Variants in AKAP13 observed in about 807,000 individuals in gnomAD.
AKAP13 encodes the protein A-kinase anchoring protein 13, also known as A-kinase anchor protein 13.
AKAP13 carries 80 observed loss-of-function variants against 264.5 expected under a neutral mutation model. That is an observed-to-expected ratio of 0.30 (90% CI 0.25 to 0.36). The LOEUF is 0.36. Among genes scored for constraint, AKAP13 ranks in the 10% least tolerant of loss-of-function variants. AKAP13 has a pLI of 1.00. For synonymous variants in AKAP13, 1,380 were observed against 1,250.2 expected (o/e 1.10, Z -2.19); for missense variants, 3,712 against 3,435.2 (o/e 1.08, Z -2.01).
chr15:85,437,537 A>G (rs2073369739), intron 1 of AKAP13, among the ~76,000 whole-genome samples: 1 of 151,696 alleles, frequency 6.6e-6, no homozygotes, highest in Admixed American at 6.6e-5. Context: ...TTTTAGACCA[A>G]TATCCTTGAT....
intron 3 of AKAP13, among the ~76,000 whole-genome samples, chr15:85,530,214 T>A (rs1265141359): frequency 2.0e-5 from 3 of 152,196 alleles, no homozygotes; most frequent in East Asian, 1.9e-4. Flanking sequence ...TCTCTCCCTG[T>A]CGTTCGCCCT....
intron 4 of AKAP13, 173 bp downstream of exon 4, chr15:85,534,053 T>G: frequency 1.5e-6 from 1 of 656,122 alleles, no homozygotes; most frequent in East Asian, 2.9e-5. Flanking sequence ...GGTTCTTCAA[T>G]TGAGCTGTTA....
chr15:85,665,853 A>G (rs1440157631), intron 13 of AKAP13, among the ~76,000 whole-genome samples: 2 of 152,238 alleles, frequency 1.3e-5, no homozygotes, highest in African/African-American at 4.8e-5. Flanking sequence ...TGCAAAGGAC[A>G]TGAACTCATC....
intron 8 of AKAP13, among the ~76,000 whole-genome samples, chr15:85,604,713 C>G (rs928415210): frequency 6.6e-6 from 1 of 152,132 alleles, no homozygotes; most frequent in African/African-American, 2.4e-5. Flanking sequence ...ATCCACCCAC[C>G]TCGGCCTCCC....
chr15:85,585,630 C>T, intron 7 of AKAP13, 72 bp from the exon 8 acceptor site: 1 of 1,587,696 alleles, frequency 6.3e-7, no homozygotes, highest in East Asian at 2.2e-5. Flanking sequence ...AAACCTGGAG[C>T]ATGTTGTATG....
At chr15:85,523,582 T>C (rs1000728346) in intron 3 of AKAP13, among the ~76,000 whole-genome samples, 1 of 152,214 alleles carries the variant, frequency 6.6e-6, no homozygotes, top group African/African-American at 2.4e-5. Flanking sequence ...ATTTTACTTA[T>C]TTATCTTATT....
rs896642521 is a variant in AKAP13, at chr15:85,499,152, T to A, written c.33+13399T>A. Among the ~76,000 whole-genome samples the A allele has an allele frequency of 5.9e-5, 9 of 152,316 alleles. 1 individual carries two copies. The South Asian group carries it at 1.7e-3, about 28-fold the overall frequency. ...TGGCTTTTCTTTTTTAAAGGCTAGC[T>A]TCCTGAGTAAATTATCACTGCGTTA... On this transcript the variant is annotated intron_variant, in intron 2 of 36. Transcript: ENST00000394518.
At chr15:85,637,693 A>G (rs543942902) in intron 8 of AKAP13, among the ~76,000 whole-genome samples, 2 of 152,006 alleles carry the variant, frequency 1.3e-5, no homozygotes, top group Non-Finnish European at 2.9e-5. Context: ...TTCTAGTTTC[A>G]TAAGGTAGAA....
chr15:85,721,897 T>A (rs1438872168), intron 23 of AKAP13, 94 bp from the exon 24 acceptor site: 2 of 1,556,084 alleles, frequency 1.3e-6, no homozygotes, highest in East Asian at 4.5e-5. Context: ...GAGGAAGCGC[T>A]CTTGACTTTT....
chr15:85,477,552 A>G (rs1250079697), intron 1 of AKAP13, among the ~76,000 whole-genome samples: 4 of 150,332 alleles, frequency 2.7e-5, no homozygotes. Flanking sequence ...CTACACAATT[A>G]CAAACTTTTT....
intron 1 of AKAP13, among the ~76,000 whole-genome samples, chr15:85,420,520 C>T (rs576177160): frequency 1.3e-5 from 2 of 151,980 alleles, no homozygotes; most frequent in Non-Finnish European, 2.9e-5. Context: ...GTTGACCATA[C>T]CATGAGACAG....
chr15:85,708,398 C>T lies in AKAP13; in HGVS notation c.5532+312C>T, dbSNP rs2086436515. Among the ~76,000 whole-genome samples, 2 of 152,122 alleles carry T rather than the reference C, an allele frequency of 1.3e-5. No homozygotes were observed. Among genetic ancestry groups the T allele is most frequent in the Admixed American group, 1.3e-4 (2 of 15,274 alleles). ...GTGGTTTTCTTCTTAACTACGTCTG[C>T]AGGCCTACCCTGCTGTTCATACACC... On this transcript the variant is annotated intron_variant, in intron 18 of 36. Coordinates refer to ENST00000394518, the MANE Select transcript of AKAP13 (RefSeq NM_007200.5). The surrounding 1 kb of genome is among the most constrained non-coding windows in gnomAD (Gnocchi z 4.3).
intron 5 of AKAP13, among the ~76,000 whole-genome samples, chr15:85,554,420 C>G (rs2078067658): frequency 6.6e-6 from 1 of 152,092 alleles, no homozygotes; most frequent in Non-Finnish European, 1.5e-5. Flanking sequence ...CAGTTTCTGA[C>G]TTACTGTTTC....
chr15:85,579,152 G>T lies in AKAP13; in HGVS notation c.1084G>T (p.Glu362Ter). 6.2e-7 allele frequency: 1 copy of T among 1,614,166 alleles called. No individual in the cohort carries two copies. Among genetic ancestry groups the T allele is most frequent in the Non-Finnish European group, 8.5e-7 (1 of 1,180,040 alleles). The part of the protein sequence containing the change: ...SPCDLSSIVE[E>*]ENTDRSCRKK... The stretch of plus-strand genomic sequence containing the variant: ...CTGTGATTTGTCAAGCATAGTTGAG[G>T]AGGAGAATACAGACCGTTCCTGTAG... The change falls in exon 7 of 37, where the codon GAG becomes TAG. Residue 362 changes from glutamate (E) to a stop codon, truncating the protein, a stop_gained. Coordinates refer to ENST00000394518, the MANE Select transcript of AKAP13 (RefSeq NM_007200.5). LOFTEE classifies it high-confidence loss of function.
intron 1 of AKAP13, among the ~76,000 whole-genome samples, chr15:85,429,767 T>G (rs1322832976): frequency 6.6e-6 from 1 of 152,214 alleles, no homozygotes; most frequent in East Asian, 1.9e-4. Flanking sequence ...TTTAATTCAG[T>G]AGGTGTAGGG....
chr15:85,433,122 T>G, intron 1 of AKAP13, among the ~76,000 whole-genome samples: 1 of 116,368 alleles, frequency 8.6e-6, no homozygotes, highest in African/African-American at 3.2e-5. Flanking sequence ...GTACAGTTTT[T>G]TTTTTTTTTT....
At position 85,718,242 on chromosome 15, in the gene AKAP13, A is replaced by G. The variant is rs762280791; in HGVS notation, c.6001+83A>G. 5.4e-4 allele frequency: 838 copies of G among 1,538,362 alleles called. No individual in the cohort carries two copies. The highest frequency in any genetic ancestry group is 6.7e-4 in the Non-Finnish European group (756 of 1,133,614). On this transcript the variant is annotated intron_variant, in intron 22 of 36. Coordinates refer to ENST00000394518, the MANE Select transcript of AKAP13 (RefSeq NM_007200.5). The surrounding 1 kb of genome is among the most constrained non-coding windows in gnomAD (Gnocchi z 4.9). Reference sequence around the variant, plus strand: ...GCAGTAATTTGTTGGACTATGAAAAATCAGTTTTTTAGTATGTGGCTTCTT... The same window carrying G: ...GCAGTAATTTGTTGGACTATGAAAAGTCAGTTTTTTAGTATGTGGCTTCTT...
intron 36 of AKAP13, 131 bp from the exon 37 acceptor site, chr15:85,744,497 C>T (rs1457031045): frequency 1.3e-5 from 12 of 941,276 alleles, no homozygotes; most frequent in East Asian, 2.4e-5. Context: ...AACCCCGGTG[C>T]GCAGAAGAGT....
At position 85,692,481 on chromosome 15, in the gene AKAP13, AGTGGTGGTGGTGGTGATGGTG is replaced by A. The variant is rs1340742704; in HGVS notation, c.5290-780_5290-760del. On this transcript the variant is annotated intron_variant, in intron 16 of 36. Coordinates refer to ENST00000394518, the MANE Select transcript of AKAP13 (RefSeq NM_007200.5). ...GGTCACGCTATTACTGAGTAGTAGTAGTGGTGGTGGTGGTGATGGTGGTGGTGGTGGTGGTGGCAGTAGTGG... is the reference window on the plus strand; with the variant it reads ...GGTCACGCTATTACTGAGTAGTAGTAGTGGTGGTGGTGGTGGCAGTAGTGG... Among the ~76,000 whole-genome samples, 7 of 149,966 alleles carry A rather than the reference AGTGGTGGTGGTGGTGATGGTG, an allele frequency of 4.7e-5. No homozygotes were observed. In the East Asian group the frequency reaches 1.5e-3, roughly 31 times the overall value.
Sources: allele counts gnomAD v4.1 joint callset (sites outside exome capture counted in the v4.1 genomes callset), GRCh38; gene constraint gnomAD v4.1.1; non-coding constraint Gnocchi (gnomAD v3.1); transcripts MANE v1.5; gene names NCBI Gene and HGNC (gene_info 2026-07-23, HGNC 2026-07-21).